The following KYNU variants were observed in gnomAD, a reference collection of about 807,000 sequenced individuals.
KYNU encodes the protein L-kynurenine hydrolase.
In KYNU, 54 loss-of-function variants were observed where a neutral mutation model predicts 59.2. The observed-to-expected ratio is 0.91, with a 90% CI of 0.73 to 1.14. The LOEUF (loss-of-function observed/expected upper bound fraction) is 1.14. Ranked by LOEUF, KYNU falls within the 50% of genes most tolerant of loss-of-function variation. The pLI is 0.00. For missense variants in KYNU, 567 were observed against 554.4 expected, an observed-to-expected ratio of 1.02 and a Z score of -0.23; for synonymous variants, 177 against 192.0, an observed-to-expected ratio of 0.92 and a Z score of 0.65.
At chr2:142,947,864 G>A (rs1356870563) in intron 4 of KYNU, 1 of 152,136 alleles carries the variant, frequency 6.6e-6, no homozygotes, top group African/African-American at 2.4e-5. Flanking sequence ...ATAGCTATAG[G>A]CTGAAAAAAG....
chr2:143,038,679 A>G (rs886244262), intron 12 of KYNU, among the ~76,000 whole-genome samples: 1 of 152,074 alleles, frequency 6.6e-6, no homozygotes, highest in African/African-American at 2.4e-5. Context: ...TCTTGCTTAG[A>G]TATCATTTAC....
chr2:142,893,088 A>G (rs1401599572), intron 2 of KYNU, among the ~76,000 whole-genome samples: 2 of 152,202 alleles, frequency 1.3e-5, no homozygotes, highest in Non-Finnish European at 2.9e-5. Context: ...TAACAATTCT[A>G]TTTCTGTAAA....
At position 142,960,699 on chromosome 2, in the gene KYNU, T is replaced by G; in HGVS notation, c.658T>G (p.Phe220Val). Reference sequence around the variant, plus strand: ...AGGAGACTCAATTGCAGTGATCCTGTTCAGTGGGGTGCATTTTTACACTGG... The same window carrying G: ...AGGAGACTCAATTGCAGTGATCCTGGTCAGTGGGGTGCATTTTTACACTGG... ...KEGDSIAVIL[F>V]SGVHFYTGQH... Residue 220 changes from phenylalanine to valine, a missense_variant, in exon 8 of 14, where the codon TTC becomes GTC. Physicochemically the swap from Phe to Val is conservative, Grantham distance 50. Coordinates refer to ENST00000264170, the MANE Select transcript of KYNU (RefSeq NM_003937.3). 1.2e-6 allele frequency: 2 copies of G among 1,613,872 alleles called. No homozygotes were observed. Among genetic ancestry groups the G allele is most frequent in the Non-Finnish European group, 1.7e-6 (2 of 1,179,850 alleles).
At chr2:142,976,665 A>G (rs1684890973) in intron 8 of KYNU, among the ~76,000 whole-genome samples, 1 of 152,212 alleles carries the variant, frequency 6.6e-6, no homozygotes, top group Non-Finnish European at 1.5e-5. Context: ...ACTCAAAAGT[A>G]TCTGAGACAG....
At chr2:142,896,996 A>G (rs577689186) in intron 2 of KYNU, among the ~76,000 whole-genome samples, 2 of 152,266 alleles carry the variant, frequency 1.3e-5, no homozygotes, top group South Asian at 4.1e-4. Flanking sequence ...TCATCTAACC[A>G]TCAGTCTTAA....
At chr2:142,884,724 T>C (rs6735204) in intron 1 of KYNU, among the ~76,000 whole-genome samples, 53,106 of 114,984 alleles carry the variant, frequency 0.46, 12,347 homozygotes, top group South Asian at 0.6. Flanking sequence ...GTTTGTGTTT[T>C]GAGACAGGGT....
At chr2:142,999,214 A>G (rs1054480013) in intron 10 of KYNU, among the ~76,000 whole-genome samples, 2 of 152,110 alleles carry the variant, frequency 1.3e-5, no homozygotes, top group African/African-American at 4.8e-5. Context: ...GATGGTCTAT[A>G]TCTACATTTG....
intron 8 of KYNU, among the ~76,000 whole-genome samples, chr2:142,973,367 A>G (rs919130569): frequency 6.6e-6 from 1 of 152,116 alleles, no homozygotes; most frequent in African/African-American, 2.4e-5. Context: ...TAGTGCCAGC[A>G]TTCATCACTG....
chr2:143,034,202 A>G (rs1253123243), intron 12 of KYNU, among the ~76,000 whole-genome samples: 2 of 151,650 alleles, frequency 1.3e-5, no homozygotes, highest in Admixed American at 6.6e-5. Context: ...TATTTTGTAT[A>G]CCTATATTTA....
intron 8 of KYNU, among the ~76,000 whole-genome samples, chr2:142,973,116 T>C (rs566413760): frequency 6.6e-6 from 1 of 150,862 alleles, no homozygotes; most frequent in East Asian, 1.9e-4. Context: ...ATATTTTGTA[T>C]GTATATATAA....
intron 2 of KYNU, among the ~76,000 whole-genome samples, chr2:142,915,585 T>C (rs1056931064): frequency 3.3e-5 from 5 of 152,196 alleles, no homozygotes; most frequent in East Asian, 1.9e-4. Flanking sequence ...GTGGACATTT[T>C]TGATGCACTA....
At chr2:142,916,238 C>T (rs1682664487) in intron 2 of KYNU, among the ~76,000 whole-genome samples, 1 of 152,136 alleles carries the variant, frequency 6.6e-6, no homozygotes, top group African/African-American at 2.4e-5. Context: ...AATGTGGAGA[C>T]TTGGCTGATA....
intron 2 of KYNU, among the ~76,000 whole-genome samples, chr2:142,914,226 A>AAAAAGTT (rs1258242421): frequency 6.6e-6 from 1 of 151,958 alleles, no homozygotes; most frequent in African/African-American, 2.4e-5. Context: ...TCACTCATCA[A>AAAAAGTT]CCCTTTCCTG....
intron 8 of KYNU, among the ~76,000 whole-genome samples, chr2:142,964,303 G>A (rs1684457095): frequency 6.6e-6 from 1 of 151,936 alleles, no homozygotes; most frequent in South Asian, 2.1e-4. Context: ...TTTCTGTTAA[G>A]TATATACCTA....
chr2:142,989,536 A>G, intron 10 of KYNU: 1 of 972,876 alleles, frequency 1.0e-6, no homozygotes, highest in Non-Finnish European at 1.2e-6. Flanking sequence ...ATATCGAAAT[A>G]ACATTTCTTC....
Position 142,995,999 on chromosome 2 carries a change from C to T in KYNU, c.902+9978C>T, listed in dbSNP as rs531320645. Among the ~76,000 whole-genome samples, 296 of 152,160 alleles carry T rather than the reference C, an allele frequency of 1.9e-3. 1 individual carries two copies. The highest frequency in any genetic ancestry group is 6.3e-3 in the African/African-American group (263 of 41,524). On this transcript the variant is annotated intron_variant, in intron 10 of 13. Coordinates refer to ENST00000264170, the MANE Select transcript of KYNU (RefSeq NM_003937.3). ...AAATATCTGCTTGCACTGTACCAAA[C>T]GTGTCTCTGTTTCCTAAGCCTTTCT...
chr2:142,895,609 G>A (rs898883578), intron 2 of KYNU, among the ~76,000 whole-genome samples: 4 of 152,200 alleles, frequency 2.6e-5, no homozygotes, highest in South Asian at 2.1e-4. Flanking sequence ...TTGTGTGAGT[G>A]TAAATTTTTT....
At chr2:142,936,217 A>G (rs1157120682) in intron 4 of KYNU, among the ~76,000 whole-genome samples, 1 of 152,200 alleles carries the variant, frequency 6.6e-6, no homozygotes, top group African/African-American at 2.4e-5. Flanking sequence ...AAACGCCTGG[A>G]CATACAGAAT....
chr2:142,973,916 G>A (rs914908739), intron 8 of KYNU, among the ~76,000 whole-genome samples: 2 of 152,152 alleles, frequency 1.3e-5, no homozygotes, highest in African/African-American at 4.8e-5. Flanking sequence ...TTGACAACGG[G>A]AGACAATAGA....
Sources: gnomAD v4.1 joint callset for allele counts (sites outside exome capture counted in the v4.1 genomes callset) on GRCh38, gnomAD v4.1.1 for gene constraint, MANE v1.5 for transcripts, NCBI Gene and HGNC (gene_info 2026-07-23, HGNC 2026-07-21) for gene names.